The following MIB1 variants were observed in gnomAD, a reference collection of about 807,000 sequenced individuals.
MIB1 encodes the protein E3 ubiquitin-protein ligase MIB1.
MIB1 carries 278 observed loss-of-function variants against 124.5 expected under a neutral mutation model. That is an observed-to-expected ratio of 2.23 (90% CI 2.02 to 2.47). The LOEUF is 2.47. Among genes scored for constraint, MIB1 ranks in the 30% most tolerant of loss-of-function variants. The pLI is 0.00. For missense variants in MIB1, 957 were observed against 1,254.4 expected (o/e 0.76, Z 3.58); for synonymous variants, 446 against 429.4 (o/e 1.04, Z -0.48).
chr18:21,855,439 A>G (rs559578012), intron 18 of MIB1, among the ~76,000 whole-genome samples: 1 of 152,346 alleles, frequency 6.6e-6, no homozygotes, highest in African/African-American at 2.4e-5. Flanking sequence ...CAATAACTGA[A>G]CTAAACAGTT....
At position 21,820,431 on chromosome 18, in the gene MIB1, A is replaced by G. The variant is rs568210394; in HGVS notation, c.1829+785A>G. Among the ~76,000 whole-genome samples the G allele has an allele frequency of 7.2e-5, 11 of 152,228 alleles. No individual in the cohort carries two copies. In the East Asian group the frequency reaches 2.1e-3, roughly 29 times the overall value. ...TTCTTTGGTTCCTTATTGTATTTTT[A>G]TATCATGTTTCCTTTAGCTTCTTAG... On this transcript the variant is annotated intron_variant, in intron 12 of 20. Coordinates refer to ENST00000261537, the MANE Select transcript of MIB1 (RefSeq NM_020774.4).
At chr18:21,860,547 A>G (rs887519932) in intron 20 of MIB1, among the ~76,000 whole-genome samples, 1 of 152,188 alleles carries the variant, frequency 6.6e-6, no homozygotes, top group African/African-American at 2.4e-5. Flanking sequence ...CTTTCTGGCC[A>G]TACCTTACCA....
At chr18:21,774,960 T>TATTTATTTA (rs1568195975) in intron 4 of MIB1, among the ~76,000 whole-genome samples, 4 of 143,090 alleles carry the variant, frequency 2.8e-5, no homozygotes, top group Admixed American at 7.2e-5. Context: ...TTTATTTATT[T>TATTTATTTA]TTTGAGACAC....
intron 7 of MIB1, among the ~76,000 whole-genome samples, chr18:21,796,757 A>G (rs557589520): frequency 1.3e-5 from 2 of 152,254 alleles, no homozygotes; most frequent in East Asian, 3.9e-4. Flanking sequence ...CAAGAGGTGA[A>G]CAAAATGAGC....
At chr18:21,764,706 T>G (rs527450560) in intron 1 of MIB1, among the ~76,000 whole-genome samples, 1 of 150,226 alleles carries the variant, frequency 6.7e-6, no homozygotes, top group African/African-American at 2.5e-5. Context: ...TTACTTCCCC[T>G]CTGCCTCCCT....
At chr18:21,803,688 C>T (rs2041674123) in intron 9 of MIB1, 2 of 395,808 alleles carry the variant, frequency 5.1e-6, no homozygotes, top group Non-Finnish European at 9.0e-6. Flanking sequence ...TATTTCGTAA[C>T]TCTTTGGACA....
chr18:21,780,971 C>T (rs1352245889), intron 6 of MIB1, among the ~76,000 whole-genome samples: 1 of 152,142 alleles, frequency 6.6e-6, no homozygotes, highest in African/African-American at 2.4e-5. Context: ...CTCATAGTGG[C>T]TGTACTAATT....
Position 21,765,899 on chromosome 18 carries a change from T to C in MIB1, c.357T>C (p.His119=). The part of the protein sequence containing the change: ...CTVCYHGDKH[H]LRHRFYRITT... ...TGTGTTATCATGGAGATAAACATCATTTAAGACATCGCTTTTACCGAATTA... is the reference window on the plus strand; with the variant it reads ...TGTGTTATCATGGAGATAAACATCACTTAAGACATCGCTTTTACCGAATTA... Residue 119 remains histidine (H), a synonymous_variant, in exon 2 of 21, where the codon CAT becomes CAC. Coordinates refer to ENST00000261537, the MANE Select transcript of MIB1 (RefSeq NM_020774.4). 6.2e-7 allele frequency: 1 copy of C among 1,614,174 alleles called. No individual in the cohort carries two copies. The highest frequency in any genetic ancestry group is 2.2e-5 in the East Asian group (1 of 44,880).
At chr18:21,747,441 A>T (rs117723077) in intron 1 of MIB1, among the ~76,000 whole-genome samples, 1 of 152,214 alleles carries the variant, frequency 6.6e-6, no homozygotes, top group Non-Finnish European at 1.5e-5. Flanking sequence ...CTCATAGGTG[A>T]TGCAGATACT....
chr18:21,768,236 A>T (rs1598600901), intron 2 of MIB1, among the ~76,000 whole-genome samples: 1 of 152,334 alleles, frequency 6.6e-6, no homozygotes, highest in East Asian at 1.9e-4. Context: ...CTAGGATCAT[A>T]TGTGGAGTCC....
At chr18:21,812,342 A>C (rs145428723) in intron 10 of MIB1, 1 of 152,366 alleles carries the variant, frequency 6.6e-6, no homozygotes, top group Non-Finnish European at 1.5e-5. Context: ...TGTTTTGTAC[A>C]TAGTAGAGAG....
At chr18:21,760,985 T>C (rs2041091189) in intron 1 of MIB1, among the ~76,000 whole-genome samples, 1 of 152,248 alleles carries the variant, frequency 6.6e-6, no homozygotes, top group South Asian at 2.1e-4. Flanking sequence ...TTACTGTCAT[T>C]GGTATTTGAT....
chr18:21,801,448 CCTAA>C (rs1001460222), intron 9 of MIB1, among the ~76,000 whole-genome samples: 2 of 152,054 alleles, frequency 1.3e-5, no homozygotes, highest in African/African-American at 2.4e-5. Flanking sequence ...TGTTTTCCTG[CCTAA>C]CTTTTTGTTT....
At chr18:21,735,585 G>T (rs1388362880) in intron 1 of MIB1, among the ~76,000 whole-genome samples, 2 of 152,134 alleles carry the variant, frequency 1.3e-5, no homozygotes, top group African/African-American at 4.8e-5. Context: ...GGCTCAGCGG[G>T]TCCCATCCCC....
chr18:21,870,333 A>G lies in MIB1; in HGVS notation c.*5667A>G, dbSNP rs1012634135. The G allele has an allele frequency of 6.6e-6, 1 of 152,186 alleles. No homozygotes were observed. Among genetic ancestry groups the G allele is most frequent in the African/African-American group, 2.4e-5 (1 of 41,456 alleles). 9.4% of individuals were successfully genotyped at this position (152,186 alleles called of 1,614,324 possible). On this transcript the variant is annotated 3_prime_UTR_variant, in exon 21 of 21. Transcript: ENST00000261537. ...TAAGAAACAAGGATGTACATCTTCA[A>G]TTCAGCATAAGTGTCCACATCTAGA...
intron 1 of MIB1, among the ~76,000 whole-genome samples, chr18:21,725,435 A>T (rs1255516076): frequency 6.6e-6 from 1 of 152,184 alleles, no homozygotes; most frequent in Non-Finnish European, 1.5e-5. Flanking sequence ...TGTGGTCCCT[A>T]GTCCCCACTC....
intron 1 of MIB1, among the ~76,000 whole-genome samples, chr18:21,763,342 G>A (rs752609891): frequency 8.6e-5 from 13 of 152,026 alleles, no homozygotes; most frequent in South Asian, 2.1e-4. Flanking sequence ...AATTTCTAGC[G>A]TAACTCTATA....
chr18:21,791,584 C>T, intron 7 of MIB1, 27 bp downstream of exon 7: 7 of 1,539,896 alleles, frequency 4.5e-6, no homozygotes, highest in Non-Finnish European at 6.2e-6. Flanking sequence ...TAATTCTGGG[C>T]TAGAAATTAC....
At chr18:21,749,947 C>T (rs2040955528) in intron 1 of MIB1, among the ~76,000 whole-genome samples, 1 of 151,970 alleles carries the variant, frequency 6.6e-6, no homozygotes, top group African/African-American at 2.4e-5. Flanking sequence ...TGGCTGCTAC[C>T]TTACTTTTTA....
Sources: allele counts gnomAD v4.1 joint callset (sites outside exome capture counted in the v4.1 genomes callset), GRCh38; gene constraint gnomAD v4.1.1; transcripts MANE v1.5; gene names NCBI Gene and HGNC (gene_info 2026-07-23, HGNC 2026-07-21).